CNOT4: variants seen among roughly 807,000 people sequenced by gnomAD.
CNOT4 encodes CCR4-associated factor 4.
In CNOT4, 8 loss-of-function variants were observed where a neutral mutation model predicts 73.8. The ratio of observed to expected loss-of-function variants is 0.11; its 90% confidence interval spans 0.06 to 0.20. The LOEUF is 0.20. Ranked by LOEUF, CNOT4 falls within the 10% of genes least tolerant of loss-of-function variation. The pLI, the probability that CNOT4 is intolerant of heterozygous loss-of-function variation, is 1.00. For synonymous variants in CNOT4, 293 were observed against 321.1 expected, an observed-to-expected ratio of 0.91 and a Z score of 0.94; for missense variants, 564 against 883.4, an observed-to-expected ratio of 0.64 and a Z score of 4.58.
At chr7:135,389,010 T>C (rs1283751656) in intron 10 of CNOT4, 2 of 973,668 alleles carry the variant, frequency 2.1e-6, no homozygotes, top group East Asian at 2.8e-5. Context: ...TGCTTAATGT[T>C]TGGAATCCAG....
chr7:135,474,568 C>A (rs980864195), intron 1 of CNOT4, among the ~76,000 whole-genome samples: 19 of 152,038 alleles, frequency 1.2e-4, no homozygotes, highest in Non-Finnish European at 2.4e-4. Flanking sequence ...TGAGCCACGG[C>A]GCCTGGACTA....
chr7:135,486,007 G>A (rs75959757), intron 1 of CNOT4, among the ~76,000 whole-genome samples: 9,855 of 152,136 alleles, frequency 0.065, 455 homozygotes, highest in Middle Eastern at 0.12. Flanking sequence ...GTTAAAACCA[G>A]GGAGAAAATA....
intron 1 of CNOT4, among the ~76,000 whole-genome samples, chr7:135,500,499 T>C (rs1803888099): frequency 6.6e-6 from 1 of 150,620 alleles, no homozygotes; most frequent in African/African-American, 2.4e-5. Context: ...TCACAGAACT[T>C]AAAAAAAAAA....
chr7:135,472,168 A>T (rs975333800), intron 1 of CNOT4, among the ~76,000 whole-genome samples: 2 of 149,818 alleles, frequency 1.3e-5, no homozygotes, highest in Non-Finnish European at 3.0e-5. Context: ...GTAAGACCCT[A>T]TCTCAAAAAT....
intron 1 of CNOT4, among the ~76,000 whole-genome samples, chr7:135,440,128 A>G (rs1351159054): frequency 6.6e-6 from 1 of 151,898 alleles, no homozygotes; most frequent in Non-Finnish European, 1.5e-5. Context: ...AAAAGTAAGC[A>G]TCAGAGTAAA....
intron 1 of CNOT4, among the ~76,000 whole-genome samples, chr7:135,464,769 AT>A (rs1801116136): frequency 6.6e-6 from 1 of 151,838 alleles, no homozygotes; most frequent in South Asian, 2.1e-4. Context: ...AAAATAAAAA[AT>A]AAAATAATTT....
chr7:135,493,928 G>A (rs763320206), intron 1 of CNOT4, among the ~76,000 whole-genome samples: 3 of 152,020 alleles, frequency 2.0e-5, no homozygotes, highest in Admixed American at 1.3e-4. Context: ...TCTAATAAGC[G>A]CTCACGGATA....
At chr7:135,427,088 G>T (rs897182266) in intron 2 of CNOT4, among the ~76,000 whole-genome samples, 1 of 152,028 alleles carries the variant, frequency 6.6e-6, no homozygotes, top group African/African-American at 2.4e-5. Flanking sequence ...GGTTGCCTAT[G>T]GAGAAGTATT....
intron 9 of CNOT4, among the ~76,000 whole-genome samples, chr7:135,394,911 G>A (rs1796595428): frequency 6.6e-6 from 1 of 152,026 alleles, no homozygotes; most frequent in African/African-American, 2.4e-5. Flanking sequence ...TGTTGTCAAT[G>A]TTACTTTTAT....
At chr7:135,391,492 G>T (rs1248158596) in intron 10 of CNOT4, among the ~76,000 whole-genome samples, 2 of 151,562 alleles carry the variant, frequency 1.3e-5, no homozygotes, top group African/African-American at 2.4e-5. Context: ...ATAGTACAAC[G>T]ATTCAGAACC....
chr7:135,484,142 C>A (rs1240620956), intron 1 of CNOT4, among the ~76,000 whole-genome samples: 1 of 152,146 alleles, frequency 6.6e-6, no homozygotes, highest in African/African-American at 2.4e-5. Context: ...TAGCAGTGGG[C>A]CGAGATCTTG....
intron 3 of CNOT4, 84 bp downstream of exon 3, chr7:135,422,072 C>A (rs917380162): frequency 2.5e-6 from 2 of 786,506 alleles, no homozygotes; most frequent in Admixed American, 4.2e-5. Context: ...AGGAATCACA[C>A]AATTGAGCAG....
chr7:135,361,888 A>G lies in CNOT4; in HGVS notation c.*997T>C, dbSNP rs1794667978. The G allele has an allele frequency of 6.6e-6, 1 of 152,582 alleles. No individual in the cohort carries two copies. Among genetic ancestry groups the G allele is most frequent in the African/African-American group, 2.4e-5 (1 of 41,372 alleles). 9.5% of individuals were successfully genotyped at this position (152,582 alleles called of 1,614,324 possible). On this transcript the variant is annotated 3_prime_UTR_variant, in exon 12 of 12. Transcript: ENST00000541284. Reference sequence around the variant, plus strand: ...TTGTTTTTAGTTTTAGCGTCAGGTTATAACCAGGTTTCTGTTTTCTTTTCT... The same window carrying G: ...TTGTTTTTAGTTTTAGCGTCAGGTTGTAACCAGGTTTCTGTTTTCTTTTCT...
At chr7:135,426,851 AG>A (rs1798534509) in intron 2 of CNOT4, among the ~76,000 whole-genome samples, 2 of 151,098 alleles carry the variant, frequency 1.3e-5, no homozygotes, top group South Asian at 4.2e-4. Context: ...TGAACCCGGG[AG>A]ATGGAGGTTG....
At chr7:135,421,003 A>T (rs1158703913) in intron 3 of CNOT4, among the ~76,000 whole-genome samples, 1 of 152,190 alleles carries the variant, frequency 6.6e-6, no homozygotes, top group Non-Finnish European at 1.5e-5. Flanking sequence ...AACGACTGCC[A>T]GCATCCCTGG....
chr7:135,441,530 G>C (rs545838604), intron 1 of CNOT4, among the ~76,000 whole-genome samples: 45 of 151,988 alleles, frequency 3.0e-4, no homozygotes, highest in African/African-American at 1.0e-3. Context: ...TGTACCTGTA[G>C]AAAACACAGA....
In CNOT4 at chr7:135,495,756, AAGAAAG is replaced by A. The variant is rs1199875399; in HGVS notation, c.-93+14127_-93+14132del. Among the ~76,000 whole-genome samples the A allele has an allele frequency of 7.2e-4, 96 of 133,392 alleles. 2 individuals carry two copies. Among genetic ancestry groups the A allele is most frequent in the African/African-American group, 2.2e-3 (82 of 36,684 alleles). The allele number at this position is 133,392 out of a possible 152,430, so 87.5% of individuals were successfully genotyped here. On this transcript the variant is annotated intron_variant, in intron 1 of 11. Transcript: ENST00000541284. Reference sequence around the variant, plus strand: ...AAAGAAAGAAAGAAAGAAAGAAAGAAAGAAAGAAATTTAAGAACATTCAGGGCTGGG... The same window carrying A: ...AAAGAAAGAAAGAAAGAAAGAAAGAAAAATTTAAGAACATTCAGGGCTGGG...
chr7:135,453,991 T>C (rs200109250), intron 1 of CNOT4, among the ~76,000 whole-genome samples: 2 of 133,980 alleles, frequency 1.5e-5, no homozygotes, highest in African/African-American at 6.1e-5. Flanking sequence ...TATATATACA[T>C]ATATATATAT....
At chr7:135,485,297 C>T (rs1390780647) in intron 1 of CNOT4, among the ~76,000 whole-genome samples, 1 of 152,120 alleles carries the variant, frequency 6.6e-6, no homozygotes. Flanking sequence ...GTCTTGATCT[C>T]TTGACCTCAT....
Sources: allele counts gnomAD v4.1 joint callset (sites outside exome capture counted in the v4.1 genomes callset), GRCh38; gene constraint gnomAD v4.1.1; transcripts MANE v1.5; gene names NCBI Gene and HGNC (gene_info 2026-07-23, HGNC 2026-07-21).